The following NFKBIZ variants were observed in gnomAD, a reference collection of about 807,000 sequenced individuals.
NFKBIZ encodes NF-kappa-B inhibitor zeta.
Under a neutral mutation model 76.8 loss-of-function variants are expected in NFKBIZ, and 19 were observed. The ratio of observed to expected loss-of-function variants is 0.25; its 90% CI spans 0.17 to 0.36. The LOEUF is 0.36. Among genes scored for constraint, NFKBIZ ranks in the 10% least tolerant of loss-of-function variants. NFKBIZ has a pLI of 1.00. For synonymous variants in NFKBIZ, 368 were observed against 354.8 expected (o/e 1.04, Z -0.42); for missense variants, 829 against 910.9 (o/e 0.91, Z 1.16).
At chr3:101,837,336 C>G (rs1451721986) in intron 2 of NFKBIZ, among the ~76,000 whole-genome samples, 1 of 151,904 alleles carries the variant, frequency 6.6e-6, no homozygotes, top group Admixed American at 6.6e-5. Context: ...TCATTTAAAG[C>G]AGTGACTCTT....
upstream of NFKBIZ, chr3:101,849,344 C>T (rs1477127542): frequency 3.5e-6 from 1 of 284,560 alleles, no homozygotes; most frequent in Non-Finnish European, 6.5e-6. Flanking sequence ...GGGGCGAGGG[C>T]GGAGGGCGGA....
At chr3:101,831,474 T>A (rs553616507) in intron 2 of NFKBIZ, among the ~76,000 whole-genome samples, 23 of 152,320 alleles carry the variant, frequency 1.5e-4, no homozygotes, top group African/African-American at 5.5e-4. Context: ...TGTCTTTTTG[T>A]GTCTTGCTTT....
intron 1 of NFKBIZ, 36 bp from the exon 2 acceptor site, chr3:101,852,049 T>C (rs1942973201): frequency 5.6e-6 from 9 of 1,601,950 alleles, no homozygotes; most frequent in Non-Finnish European, 7.7e-6. Context: ...TGTGAAGATA[T>C]TTAACCAGGA....
Position 101,860,377 on chromosome 3 carries a change from A to G in NFKBIZ, c.*1006A>G, listed in dbSNP as rs1943114568. 1 of 151,846 alleles carries G rather than the reference A, an allele frequency of 6.6e-6. No homozygotes were observed. The highest frequency in any genetic ancestry group is 2.4e-5 in the African/African-American group (1 of 41,304). 9.4% of individuals were successfully genotyped at this position (151,846 alleles called of 1,614,324 possible). A position where few individuals can be genotyped will look rare whatever the true frequency, so the allele number is the denominator to read the frequency against. On this transcript the variant is annotated 3_prime_UTR_variant, in exon 12 of 12. Coordinates refer to ENST00000326172, the MANE Select transcript of NFKBIZ (RefSeq NM_031419.4). ...TTTTTTGTACAGGCAGGATCTTGCC[A>G]CCTTGCCCAGGCTGGTCTTGAACTC...
intron 2 of NFKBIZ, among the ~76,000 whole-genome samples, chr3:101,831,411 A>G (rs1942645333): frequency 6.6e-6 from 1 of 152,178 alleles, no homozygotes; most frequent in South Asian, 2.1e-4. Context: ...GTCATTGTAA[A>G]TGCTCTGGAT....
chr3:101,832,007 C>G (rs1425177698), intron 2 of NFKBIZ, among the ~76,000 whole-genome samples: 1 of 152,122 alleles, frequency 6.6e-6, no homozygotes, highest in Non-Finnish European at 1.5e-5. Flanking sequence ...CTTCTGGGCT[C>G]AAGTGATCCT....
At chr3:101,842,355 C>T (rs1449064497) in intron 2 of NFKBIZ, among the ~76,000 whole-genome samples, 1 of 152,136 alleles carries the variant, frequency 6.6e-6, no homozygotes, top group African/African-American at 2.4e-5. Flanking sequence ...GTGAGGAAGG[C>T]AGGACTTGGA....
intron 1 of NFKBIZ, among the ~76,000 whole-genome samples, chr3:101,851,724 C>A (rs758659529): frequency 9.9e-5 from 15 of 152,168 alleles, no homozygotes; most frequent in Non-Finnish European, 2.2e-4. Context: ...AATCTGTCAT[C>A]CATTCTCATG....
intron 2 of NFKBIZ, among the ~76,000 whole-genome samples, chr3:101,838,715 A>G (rs564281108): frequency 1.3e-5 from 2 of 152,362 alleles, no homozygotes; most frequent in South Asian, 4.1e-4. Context: ...AATAATTGTC[A>G]TCAACTTTGT....
At chr3:101,854,933 T>G in intron 6 of NFKBIZ, 129 bp from the exon 7 acceptor site, 2 of 1,049,012 alleles carry the variant, frequency 1.9e-6, no homozygotes, top group Non-Finnish European at 1.4e-6. Context: ...TCTTACAGTA[T>G]CTGATTGCTT....
At position 101,852,131 on chromosome 3, in the gene NFKBIZ, AGGTGTTCGG is replaced by A; in HGVS notation, c.338_346del (p.Gly113_Arg115del). 6.2e-7 allele frequency: 1 copy of A among 1,614,248 alleles called. No homozygotes were observed. Among genetic ancestry groups the A allele is most frequent in the Non-Finnish European group, 8.5e-7 (1 of 1,180,050 alleles). On this transcript the variant is annotated inframe_deletion, in exon 2 of 12. Transcript: ENST00000326172. ...GCAGGCAGCAGAGAGGCCCCTTTCA[AGGTGTTCGG>A]GTAAAGAACTCAGTGAAGGAACTCC...
intron 1 of NFKBIZ, 138 bp downstream of exon 1, chr3:101,850,055 T>G: frequency 3.5e-6 from 3 of 852,864 alleles, no homozygotes; most frequent in Non-Finnish European, 3.2e-6. Context: ...CAATTACCAC[T>G]CCCCGCCTTG....
chr3:101,847,171 C>T (rs918793368), upstream of NFKBIZ, among the ~76,000 whole-genome samples: 1 of 152,252 alleles, frequency 6.6e-6, no homozygotes, highest in African/African-American at 2.4e-5. Context: ...CTCTCACAGA[C>T]ATACCCCAAA....
intron 8 of NFKBIZ, 82 bp from the exon 9 acceptor site, chr3:101,855,651 C>A: frequency 7.0e-7 from 1 of 1,429,692 alleles, no homozygotes; most frequent in Non-Finnish European, 9.5e-7. Context: ...AGTTAGAGGC[C>A]ATCCTCAGCA....
chr3:101,855,012 A>C (rs768416367), intron 6 of NFKBIZ, 50 bp from the exon 7 acceptor site: 1 of 1,529,800 alleles, frequency 6.5e-7, no homozygotes, highest in East Asian at 2.3e-5. Context: ...ATTCCTTGTT[A>C]TGATAACATT....
At chr3:101,850,048 T>G (rs1277809921) in intron 1 of NFKBIZ, 131 bp downstream of exon 1, 2 of 910,614 alleles carry the variant, frequency 2.2e-6, no homozygotes, top group Non-Finnish European at 1.5e-6. Flanking sequence ...TAGCCATCAA[T>G]TACCACTCCC....
intron 11 of NFKBIZ, 110 bp downstream of exon 11, chr3:101,857,569 C>CT (rs200815830): frequency 0.01 from 15,642 of 1,517,386 alleles, 194 homozygotes; most frequent in Non-Finnish European, 9.8e-3. Context: ...CAGGTGGACT[C>CT]TATCAGTGTC....
In NFKBIZ at chr3:101,853,304, G is replaced by T. The variant is rs1942998608; in HGVS notation, c.778G>T (p.Gly260Trp). Residue 260 changes from glycine to tryptophan, a missense_variant, in exon 5 of 12, where the codon GGG becomes TGG. Transcript: ENST00000326172. ...PAEQCQDFHG[G>W]QVFSPPQKCQ... ...AGAGCAGTGTCAGGACTTCCATGGA[G>T]GGCAGGTCTTTTCTCCACCTCAGAA... The T allele has an allele frequency of 1.2e-6, 2 of 1,614,048 alleles. No homozygotes were observed. Among genetic ancestry groups the T allele is most frequent in the African/African-American group, 2.7e-5 (2 of 74,916 alleles).
intron 6 of NFKBIZ, 80 bp from the exon 7 acceptor site, chr3:101,854,982 C>T: frequency 7.0e-7 from 1 of 1,426,052 alleles, no homozygotes; most frequent in Non-Finnish European, 9.4e-7. Context: ...GTTTTTCCCT[C>T]AGTCATAGTT....
Sources: gnomAD v4.1 joint callset for allele counts (sites outside exome capture counted in the v4.1 genomes callset) on GRCh38, gnomAD v4.1.1 for gene constraint, MANE v1.5 for transcripts, NCBI Gene and HGNC (gene_info 2026-07-23, HGNC 2026-07-21) for gene names.